Variants in AGMO observed in about 807,000 individuals in gnomAD.
The protein encoded by AGMO is alkylglycerol monooxygenase.
Under a neutral mutation model 60.2 loss-of-function variants are expected in AGMO, and 75 were observed. The observed-to-expected ratio is 1.25, with a 90% CI of 1.03 to 1.51. The LOEUF (loss-of-function observed/expected upper bound fraction) is 1.51, where lower values mean the gene tolerates loss of function less well. Among genes scored for constraint, AGMO ranks in the 40% most tolerant of loss-of-function variants. The probability of loss-of-function intolerance (pLI) is 0.00; values close to 1 mark genes in which losing one functional copy is unlikely to be tolerated. For synonymous variants in AGMO, 261 were observed against 177.1 expected (o/e 1.47, Z -3.76); for missense variants, 763 against 525.5 (o/e 1.45, Z -4.42).
intron 12 of AGMO, among the ~76,000 whole-genome samples, chr7:15,296,866 A>G (rs1784420735): frequency 1.3e-5 from 2 of 152,178 alleles, no homozygotes; most frequent in South Asian, 4.1e-4. Flanking sequence ...TAAAGAAGCC[A>G]AAGCTAGTGT....
chr7:15,219,109 C>A (rs1216380377), intron 12 of AGMO, among the ~76,000 whole-genome samples: 1 of 152,088 alleles, frequency 6.6e-6, no homozygotes, highest in Non-Finnish European at 1.5e-5. Context: ...ATTATCTACA[C>A]AATGTTCATT....
intron 12 of AGMO, among the ~76,000 whole-genome samples, chr7:15,325,414 G>A (rs1403973314): frequency 6.6e-6 from 1 of 151,746 alleles, no homozygotes; most frequent in Non-Finnish European, 1.5e-5. Context: ...GAGCGTTCAA[G>A]GGCATGTCAG....
intron 12 of AGMO, among the ~76,000 whole-genome samples, chr7:15,224,317 G>A (rs1478001201): frequency 6.6e-6 from 1 of 152,016 alleles, no homozygotes; most frequent in African/African-American, 2.4e-5. Flanking sequence ...ACACCAAACT[G>A]ATGGTATTAT....
chr7:15,304,140 G>A (rs933737167), intron 12 of AGMO, among the ~76,000 whole-genome samples: 3 of 152,018 alleles, frequency 2.0e-5, no homozygotes, highest in Non-Finnish European at 4.4e-5. Flanking sequence ...TGAAATAAGT[G>A]GGCTCTCTGC....
chr7:15,215,603 T>C (rs1274584734), intron 12 of AGMO, among the ~76,000 whole-genome samples: 3 of 152,148 alleles, frequency 2.0e-5, no homozygotes, highest in Non-Finnish European at 4.4e-5. Context: ...TAGAGATCGC[T>C]GTATGAATCT....
At chr7:15,398,110 G>A (rs1200226453) in intron 5 of AGMO, among the ~76,000 whole-genome samples, 1 of 152,142 alleles carries the variant, frequency 6.6e-6, no homozygotes, top group African/African-American at 2.4e-5. Flanking sequence ...CCCAACATGT[G>A]TTACAAAAAC....
At chr7:15,390,341 C>A (rs1009888111) in intron 8 of AGMO, among the ~76,000 whole-genome samples, 5 of 152,154 alleles carry the variant, frequency 3.3e-5, no homozygotes, top group Admixed American at 3.3e-4. Context: ...ACTGCGGGAT[C>A]AGCCTTAATT....
intron 12 of AGMO, among the ~76,000 whole-genome samples, chr7:15,268,834 T>G (rs377536468): frequency 1.4e-5 from 2 of 146,362 alleles, no homozygotes; most frequent in East Asian, 3.9e-4. Flanking sequence ...TTTTGACTTG[T>G]TAGATTATTT....
At chr7:15,274,242 T>C (rs183466113) in intron 12 of AGMO, among the ~76,000 whole-genome samples, 4 of 152,180 alleles carry the variant, frequency 2.6e-5, no homozygotes, top group Non-Finnish European at 4.4e-5. Flanking sequence ...CCATTCAGTA[T>C]GATATTGGCT....
chr7:15,440,103 G>A (rs1781509077), intron 3 of AGMO, among the ~76,000 whole-genome samples: 2 of 152,228 alleles, frequency 1.3e-5, no homozygotes, highest in South Asian at 4.2e-4. Context: ...AGATGCTTGT[G>A]GGCTTCCCAA....
the AGMO span, among the ~76,000 whole-genome samples, chr7:15,127,030 G>A: frequency 6.6e-5 from 10 of 152,206 alleles, no homozygotes; most frequent in Non-Finnish European, 1.3e-4. Context: ...CAGAAAATGT[G>A]TAAATTTACT....
chr7:15,342,469 C>G (rs747318396), intron 12 of AGMO, among the ~76,000 whole-genome samples: 4 of 151,628 alleles, frequency 2.6e-5, no homozygotes, highest in Non-Finnish European at 5.9e-5. Flanking sequence ...ACTCCCCACC[C>G]ATCCCAACCA....
intron 12 of AGMO, among the ~76,000 whole-genome samples, chr7:15,276,255 G>A (rs1036382963): frequency 7.2e-5 from 11 of 152,082 alleles, no homozygotes; most frequent in Non-Finnish European, 1.5e-4. Context: ...GCATTTGTTT[G>A]TCTGGGACAG....
chr7:15,251,423 A>G (rs1360416952), intron 12 of AGMO, among the ~76,000 whole-genome samples: 1 of 152,212 alleles, frequency 6.6e-6, no homozygotes, highest in Non-Finnish European at 1.5e-5. Context: ...AAGAAGCCAA[A>G]GAGGGGAGAG....
intron 12 of AGMO, among the ~76,000 whole-genome samples, chr7:15,292,017 A>G (rs1341739002): frequency 1.3e-5 from 2 of 152,330 alleles, no homozygotes; most frequent in Non-Finnish European, 2.9e-5. Context: ...AAAGAAATGC[A>G]TTAAAAATTT....
intron 12 of AGMO, among the ~76,000 whole-genome samples, chr7:15,361,399 G>A (rs902917850): frequency 2.0e-5 from 3 of 151,566 alleles, no homozygotes; most frequent in African/African-American, 4.8e-5. Context: ...AATTAGCCGG[G>A]CGTGGTGGCG....
intron 12 of AGMO, among the ~76,000 whole-genome samples, chr7:15,211,763 T>C (rs1781598829): frequency 6.6e-6 from 1 of 152,044 alleles, no homozygotes; most frequent in South Asian, 2.1e-4. Flanking sequence ...AATAATTATT[T>C]TTATACAGAT....
Position 15,552,193 on chromosome 7 carries a change from A to G in AGMO, c.258-7270T>C, listed in dbSNP as rs1017070366. 9.6e-3 allele frequency among the ~76,000 whole-genome samples: 1,454 copies of G among 152,028 alleles called. 13 individuals carry two copies. Among genetic ancestry groups the G allele is most frequent in the African/African-American group, 0.033 (1,358 of 41,480 alleles). Reference sequence around the variant, plus strand: ...TTCAAGATGGATTAAAGACTTAAACATTAGACCTAAAACCATAAAAACCCT... The same window carrying G: ...TTCAAGATGGATTAAAGACTTAAACGTTAGACCTAAAACCATAAAAACCCT... On this transcript the variant is annotated intron_variant, in intron 2 of 12. Transcript: ENST00000342526.
intron 8 of AGMO, among the ~76,000 whole-genome samples, chr7:15,388,066 C>G (rs1346695312): frequency 1.3e-5 from 2 of 151,984 alleles, no homozygotes. Flanking sequence ...TGCCACCATG[C>G]CAGGCTAATT....
Sources: gnomAD v4.1 joint callset for allele counts (sites outside exome capture counted in the v4.1 genomes callset) on GRCh38, gnomAD v4.1.1 for gene constraint, MANE v1.5 for transcripts, NCBI Gene and HGNC (gene_info 2026-07-23, HGNC 2026-07-21) for gene names.